Variants in ERC1 observed in about 807,000 individuals in gnomAD.
ERC1 encodes RAB6 interacting protein 2.
Under a neutral mutation model 132.0 loss-of-function variants are expected in ERC1, and 56 were observed. That is an observed-to-expected ratio of 0.42 (90% CI 0.34 to 0.53). The LOEUF (loss-of-function observed/expected upper bound fraction) is 0.53, where lower values mean the gene tolerates loss of function less well. ERC1 is among the 20% of genes least tolerant of loss of function. The pLI is 0.03. For missense variants in ERC1, 1,202 were observed against 1,349.9 expected (o/e 0.89, Z 1.72); for synonymous variants, 478 against 476.1 (o/e 1.00, Z -0.05).
intron 16 of ERC1, among the ~76,000 whole-genome samples, chr12:1,402,122 AAAG>A (rs755017570): frequency 3.9e-5 from 6 of 152,272 alleles, no homozygotes; most frequent in African/African-American, 1.4e-4. Context: ...ATATTGTAAA[AAAG>A]AGAAATTGCA....
chr12:1,263,279 A>G, intron 14 of ERC1, 114 bp downstream of exon 14: 2 of 997,248 alleles, frequency 2.0e-6, no homozygotes, highest in Non-Finnish European at 2.9e-6. Context: ...TTTCAAAAAC[A>G]CTTCATAGAG....
intron 5 of ERC1, among the ~76,000 whole-genome samples, chr12:1,110,956 A>C (rs1195823139): frequency 6.6e-6 from 1 of 152,032 alleles, no homozygotes; most frequent in African/African-American, 2.4e-5. Flanking sequence ...CACCCACTTC[A>C]ATCTCCCAAA....
At chr12:1,439,057 C>T (rs556883232) in intron 17 of ERC1, among the ~76,000 whole-genome samples, 1 of 152,172 alleles carries the variant, frequency 6.6e-6, no homozygotes, top group East Asian at 1.9e-4. Context: ...ACCTGTTCAT[C>T]TAGGCTTTAT....
At chr12:1,394,378 T>C (rs547561747) in intron 16 of ERC1, among the ~76,000 whole-genome samples, 59 of 152,298 alleles carry the variant, frequency 3.9e-4, no homozygotes, top group East Asian at 3.3e-3. Context: ...CTAGCCTGGG[T>C]GACAGAGCAA....
intron 5 of ERC1, among the ~76,000 whole-genome samples, chr12:1,111,387 C>G (rs1306816785): frequency 6.6e-6 from 1 of 151,966 alleles, no homozygotes; most frequent in East Asian, 1.9e-4. Flanking sequence ...CCTTTATTTC[C>G]CAGTTGTATT....
chr12:1,435,440 C>T lies in ERC1; in HGVS notation c.3025-9122C>T, dbSNP rs151015543. Reference sequence around the variant, plus strand: ...TTTCCTGGAATTAGCTGCTGTCCCCCTGAAAAACCAGCTTTATTTTAGTTT... The same window carrying T: ...TTTCCTGGAATTAGCTGCTGTCCCCTTGAAAAACCAGCTTTATTTTAGTTT... On this transcript the variant is annotated intron_variant, in intron 17 of 18. Coordinates refer to ENST00000360905, the MANE Select transcript of ERC1 (RefSeq NM_178040.4). Among the ~76,000 whole-genome samples, 388 of 152,260 alleles carry T rather than the reference C, an allele frequency of 2.5e-3. 3 individuals carry two copies. The highest frequency in any genetic ancestry group is 8.7e-3 in the African/African-American group (360 of 41,554).
chr12:1,083,726 T>A, intron 3 of ERC1, 146 bp downstream of exon 3: 1 of 659,532 alleles, frequency 1.5e-6, no homozygotes. Flanking sequence ...CGTCACTGAT[T>A]TCTGTTCTGA....
At chr12:1,426,543 C>CA (rs755636769) in intron 17 of ERC1, among the ~76,000 whole-genome samples, 5 of 152,200 alleles carry the variant, frequency 3.3e-5, no homozygotes, top group Non-Finnish European at 7.3e-5. Flanking sequence ...CTCTAGAACT[C>CA]AATTACTTTT....
chr12:1,147,374 T>G (rs916167558), intron 8 of ERC1, among the ~76,000 whole-genome samples: 1 of 152,204 alleles, frequency 6.6e-6, no homozygotes, highest in East Asian at 1.9e-4. Context: ...GAGATGATCA[T>G]CTGATTTTTA....
chr12:1,480,783 G>A, intron 18 of ERC1: 3 of 701,866 alleles, frequency 4.3e-6, no homozygotes, highest in Non-Finnish European at 7.8e-6. Flanking sequence ...AATATCTCGA[G>A]TAATACCTTT....
At chr12:1,110,074 G>C (rs1452677562) in intron 4 of ERC1, 118 bp from the exon 5 acceptor site, 1 of 845,506 alleles carries the variant, frequency 1.2e-6, no homozygotes, top group African/African-American at 1.8e-5. Flanking sequence ...TTGCCAGACA[G>C]CATTTTTTCT....
At chr12:1,475,461 G>A (rs1427864869) in intron 18 of ERC1, among the ~76,000 whole-genome samples, 1 of 152,188 alleles carries the variant, frequency 6.6e-6, no homozygotes, top group Admixed American at 6.5e-5. Flanking sequence ...GAATACTGTA[G>A]CAGTTTACAC....
chr12:1,450,367 T>C (rs1214230714), intron 18 of ERC1, among the ~76,000 whole-genome samples: 2 of 152,232 alleles, frequency 1.3e-5, no homozygotes, highest in East Asian at 3.8e-4. Context: ...CTGATTTTAC[T>C]CCTGTAAGGG....
At chr12:1,017,117 C>A (rs1414614166) in intron 1 of ERC1, among the ~76,000 whole-genome samples, 1 of 152,152 alleles carries the variant, frequency 6.6e-6, no homozygotes, top group African/African-American at 2.4e-5. Flanking sequence ...CTGCCTCAGC[C>A]TCCTGAGTAG....
intron 8 of ERC1, among the ~76,000 whole-genome samples, chr12:1,178,682 A>G (rs1300192976): frequency 1.3e-5 from 2 of 152,188 alleles, no homozygotes; most frequent in Non-Finnish European, 2.9e-5. Context: ...TTTGAAAACC[A>G]CGTAGAAAAA....
intron 2 of ERC1, among the ~76,000 whole-genome samples, chr12:1,051,749 C>T (rs1048392293): frequency 2.6e-5 from 4 of 152,054 alleles, no homozygotes; most frequent in African/African-American, 4.8e-5. Flanking sequence ...ACCACAGTGA[C>T]CACCTGGGGG....
intron 12 of ERC1, among the ~76,000 whole-genome samples, chr12:1,226,801 T>C (rs1440602551): frequency 6.6e-6 from 1 of 152,138 alleles, no homozygotes; most frequent in African/African-American, 2.4e-5. Flanking sequence ...CTCAGCCTCT[T>C]GAGTAGCTGG....
chr12:1,389,474 A>G (rs989749333), intron 16 of ERC1, among the ~76,000 whole-genome samples: 1 of 152,236 alleles, frequency 6.6e-6, no homozygotes, highest in African/African-American at 2.4e-5. Flanking sequence ...TTATAGTTCA[A>G]TGAGCATATG....
chr12:1,450,016 A>G (rs941253640), intron 18 of ERC1, among the ~76,000 whole-genome samples: 1 of 152,180 alleles, frequency 6.6e-6, no homozygotes, highest in Non-Finnish European at 1.5e-5. Flanking sequence ...CAGGTATAGT[A>G]TTGGAATCTG....
Sources: allele counts gnomAD v4.1 joint callset (sites outside exome capture counted in the v4.1 genomes callset), GRCh38; gene constraint gnomAD v4.1.1; transcripts MANE v1.5; gene names NCBI Gene and HGNC (gene_info 2026-07-23, HGNC 2026-07-21).